The following LHFPL3 variants were observed in gnomAD, a reference collection of about 807,000 sequenced individuals.
LHFPL3 encodes the protein LHFPL tetraspan subfamily member 3, also known as LHFPL tetraspan subfamily member 3 protein.
Under a neutral mutation model 19.3 loss-of-function variants are expected in LHFPL3, and 5 were observed. The ratio of observed to expected loss-of-function variants is 0.26; its 90% CI spans 0.14 to 0.54. The LOEUF (loss-of-function observed/expected upper bound fraction) is 0.54, where lower values mean the gene tolerates loss of function less well. Among genes scored for constraint, LHFPL3 ranks in the 20% least tolerant of loss-of-function variants. LHFPL3 has a pLI of 0.94. For synonymous variants in LHFPL3, 133 were observed against 126.2 expected, an observed-to-expected ratio of 1.05 and a Z score of -0.36; for missense variants, 249 against 307.4, an observed-to-expected ratio of 0.81 and a Z score of 1.42.
At chr7:104,661,666 G>T (rs1014679079) in intron 1 of LHFPL3, among the ~76,000 whole-genome samples, 2 of 152,192 alleles carry the variant, frequency 1.3e-5, no homozygotes, top group African/African-American at 4.8e-5. Flanking sequence ...CCCAAAGGTT[G>T]CCTGAAGCCA....
chr7:104,866,136 G>T (rs566333949), intron 2 of LHFPL3, among the ~76,000 whole-genome samples: 31 of 152,306 alleles, frequency 2.0e-4, no homozygotes, highest in African/African-American at 7.5e-4. Context: ...AAATTGTAAA[G>T]ACCATCAATG....
intron 1 of LHFPL3, among the ~76,000 whole-genome samples, chr7:104,623,578 T>A (rs1306596428): frequency 4.6e-5 from 7 of 152,216 alleles, no homozygotes; most frequent in Admixed American, 4.6e-4. Context: ...TGCAGTGAGC[T>A]GAGATCACGC....
rs1272143198 is a variant in LHFPL3 at position 104,536,376 on chromosome 7, A to G, written c.446-200299A>G. On this transcript the variant is annotated intron_variant, in intron 1 of 2. Coordinates refer to ENST00000424859, the MANE Select transcript of LHFPL3 (RefSeq NM_199000.3). Reference sequence around the variant, plus strand: ...TGATATCAAATACAGATGAATTCATATATTTACAAATGGTTAGCCCAGCCC... The same window carrying G: ...TGATATCAAATACAGATGAATTCATGTATTTACAAATGGTTAGCCCAGCCC... Among the ~76,000 whole-genome samples the G allele has an allele frequency of 2.6e-5, 4 of 152,312 alleles. No individual in the cohort carries two copies. The East Asian group carries it at 7.7e-4, about 29-fold the overall frequency.
intron 1 of LHFPL3, among the ~76,000 whole-genome samples, chr7:104,601,139 C>A (rs757189672): frequency 6.6e-6 from 1 of 152,166 alleles, no homozygotes; most frequent in East Asian, 1.9e-4. Context: ...TCAGTAATAT[C>A]TCTCCTTATA....
At chr7:104,867,669 T>C (rs987273034) in intron 2 of LHFPL3, among the ~76,000 whole-genome samples, 20 of 152,298 alleles carry the variant, frequency 1.3e-4, no homozygotes, top group African/African-American at 4.8e-4. Context: ...GCTGGTACCA[T>C]TCCTTCTGAA....
chr7:104,734,870 T>C (rs1793775393), intron 1 of LHFPL3, among the ~76,000 whole-genome samples: 3 of 152,206 alleles, frequency 2.0e-5, no homozygotes, highest in Non-Finnish European at 2.9e-5. Context: ...TGGTCTTTGA[T>C]GATGGTGACG....
intron 2 of LHFPL3, among the ~76,000 whole-genome samples, chr7:104,760,998 C>T (rs1243062048): frequency 6.6e-6 from 1 of 150,986 alleles, no homozygotes; most frequent in East Asian, 1.9e-4. Flanking sequence ...GACAGCAGAC[C>T]CAGGTGTGCT....
At chr7:104,646,108 C>A (rs1050772700) in intron 1 of LHFPL3, among the ~76,000 whole-genome samples, 4 of 152,108 alleles carry the variant, frequency 2.6e-5, no homozygotes, top group African/African-American at 4.8e-5. Context: ...ACCAAATAAC[C>A]AAGAACAAGG....
At chr7:104,396,447 A>G (rs1791186112) in intron 1 of LHFPL3, among the ~76,000 whole-genome samples, 1 of 152,058 alleles carries the variant, frequency 6.6e-6, no homozygotes, top group African/African-American at 2.4e-5. Context: ...TGACTAACCA[A>G]CTGAAAGCAG....
intron 1 of LHFPL3, among the ~76,000 whole-genome samples, chr7:104,546,761 C>T (rs1584393163): frequency 6.6e-6 from 1 of 152,106 alleles, no homozygotes; most frequent in South Asian, 2.1e-4. Context: ...TCACTGGAGA[C>T]CTGGGTTGAA....
At chr7:104,441,883 A>G (rs1470807297) in intron 1 of LHFPL3, among the ~76,000 whole-genome samples, 1 of 152,144 alleles carries the variant, frequency 6.6e-6, no homozygotes, top group Admixed American at 6.5e-5. Context: ...TGAGAACCCA[A>G]TTTTAATTCT....
chr7:104,419,196 G>A (rs1791681463), intron 1 of LHFPL3, among the ~76,000 whole-genome samples: 1 of 152,180 alleles, frequency 6.6e-6, no homozygotes, highest in South Asian at 2.1e-4. Context: ...AATAAACTAT[G>A]GATGATGCTT....
At chr7:104,869,454 A>G (rs1791790435) in intron 2 of LHFPL3, among the ~76,000 whole-genome samples, 1 of 152,262 alleles carries the variant, frequency 6.6e-6, no homozygotes, top group Non-Finnish European at 1.5e-5. Flanking sequence ...ACTTCTCAAA[A>G]GAAGACATTT....
At chr7:104,840,385 GACT>G (rs1452636987) in intron 2 of LHFPL3, among the ~76,000 whole-genome samples, 10 of 138,246 alleles carry the variant, frequency 7.2e-5, no homozygotes, top group Admixed American at 7.8e-5. Context: ...GCACAATCGC[GACT>G]ATTACACCCT....
At chr7:104,508,335 C>G (rs1451027932) in intron 1 of LHFPL3, among the ~76,000 whole-genome samples, 1 of 151,372 alleles carries the variant, frequency 6.6e-6, no homozygotes, top group South Asian at 2.1e-4. Context: ...TGGAAATCAT[C>G]ATTCTCAGTA....
At chr7:104,675,719 G>A (rs1331508720) in intron 1 of LHFPL3, among the ~76,000 whole-genome samples, 7 of 152,256 alleles carry the variant, frequency 4.6e-5, no homozygotes, top group Middle Eastern at 3.4e-3. Flanking sequence ...TGTGGGGCAC[G>A]AGACAGACAC....
intron 1 of LHFPL3, among the ~76,000 whole-genome samples, chr7:104,652,591 C>A (rs1486281697): frequency 1.3e-5 from 2 of 152,016 alleles, no homozygotes; most frequent in African/African-American, 2.4e-5. Flanking sequence ...GGCCTGGGAA[C>A]ATAAGCACTG....
chr7:104,855,583 T>G (rs918055862), intron 2 of LHFPL3, among the ~76,000 whole-genome samples: 2 of 152,154 alleles, frequency 1.3e-5, no homozygotes, highest in African/African-American at 4.8e-5. Context: ...CCCTTCTGGA[T>G]GTTTTTCAGA....
intron 1 of LHFPL3, among the ~76,000 whole-genome samples, chr7:104,400,018 C>A (rs1791279862): frequency 7.1e-6 from 1 of 141,462 alleles, no homozygotes; most frequent in African/African-American, 2.6e-5. Flanking sequence ...GCTGAAGAAT[C>A]CTTTGAACCT....
Sources: gnomAD v4.1 joint callset for allele counts (sites outside exome capture counted in the v4.1 genomes callset) on GRCh38, gnomAD v4.1.1 for gene constraint, MANE v1.5 for transcripts, NCBI Gene and HGNC (gene_info 2026-07-23, HGNC 2026-07-21) for gene names.